The following SHANK1 variants were observed in gnomAD, a reference collection of about 807,000 sequenced individuals.
SHANK1 encodes SH3 and multiple ankyrin repeat domains 1, also known as SH3 and multiple ankyrin repeat domains protein 1.
SHANK1 carries 35 observed loss-of-function variants against 165.6 expected under a neutral mutation model. The ratio of observed to expected loss-of-function variants is 0.21; its 90% CI spans 0.16 to 0.28. SHANK1 has a LOEUF of 0.28. Ranked by LOEUF, SHANK1 falls within the 10% of genes least tolerant of loss-of-function variation. The pLI, the probability that SHANK1 is intolerant of heterozygous loss-of-function variation, is 1.00. For missense variants in SHANK1, 2,681 were observed against 3,036.4 expected, an observed-to-expected ratio of 0.88 and a Z score of 2.75; for synonymous variants, 1,428 against 1,384.8, an observed-to-expected ratio of 1.03 and a Z score of -0.69.
Position 50,718,243 on chromosome 19 carries a change from G to A in SHANK1, c.-44+1163C>T, listed in dbSNP as rs946750138. 2.0e-5 allele frequency among the ~76,000 whole-genome samples: 3 copies of A among 150,758 alleles called. No homozygotes were observed. Among genetic ancestry groups the A allele is most frequent in the African/African-American group, 7.3e-5 (3 of 40,948 alleles). On this transcript the variant is annotated intron_variant, in intron 1 of 23. Coordinates refer to ENST00000293441, the MANE Select transcript of SHANK1 (RefSeq NM_016148.5). This position sits in a 1 kb window ranked among gnomAD's most constrained non-coding sequence, Gnocchi z 5.1. ...GGACCCCTCCCCCACGCGCGGCAGC[G>A]CTGCGAAGCCCCCTCCCCCTCCAGG...
At chr19:50,675,488 GTCTGTT>G (rs1226039852) in intron 21 of SHANK1, among the ~76,000 whole-genome samples, 3 of 152,154 alleles carry the variant, frequency 2.0e-5, no homozygotes, top group Non-Finnish European at 2.9e-5. Flanking sequence ...AATTGGGACT[GTCTGTT>G]TCTATGTTTG....
chr19:50,714,125 C>T, intron 5 of SHANK1, 57 bp downstream of exon 5: 1 of 1,558,916 alleles, frequency 6.4e-7, no homozygotes, highest in Middle Eastern at 1.7e-4. Flanking sequence ...AGATGGCACC[C>T]CTGCTCCCCA....
At position 50,718,655 on chromosome 19, in the gene SHANK1, T is replaced by A. The variant is rs1038609732; in HGVS notation, c.-44+751A>T. Among the ~76,000 whole-genome samples, 4 of 129,936 alleles carry A rather than the reference T, an allele frequency of 3.1e-5. No individual in the cohort carries two copies. Among genetic ancestry groups the A allele is most frequent in the Non-Finnish European group, 6.7e-5 (4 of 59,716 alleles). The allele number at this position is 129,936 out of a possible 152,430, so 85.2% of individuals were successfully genotyped here. ...GTGGTGGAGGACGCGAGAGAGGGGGTGCCCTGGGAGGCTGTGGGGGGACAG... is the reference window on the plus strand; with the variant it reads ...GTGGTGGAGGACGCGAGAGAGGGGGAGCCCTGGGAGGCTGTGGGGGGACAG... On this transcript the variant is annotated intron_variant, in intron 1 of 23. Transcript: ENST00000293441. The surrounding 1 kb of genome is among the most constrained non-coding windows in gnomAD (Gnocchi z 5.1).
chr19:50,715,218 T>C (rs2123205653), intron 4 of SHANK1, among the ~76,000 whole-genome samples: 2 of 150,766 alleles, frequency 1.3e-5, no homozygotes, highest in South Asian at 4.2e-4. Context: ...GGTGTAATGG[T>C]TGGATTTTGC....
At chr19:50,707,780 G>A (rs1316803145) in intron 8 of SHANK1, among the ~76,000 whole-genome samples, 4 of 151,984 alleles carry the variant, frequency 2.6e-5, no homozygotes, top group African/African-American at 9.7e-5. Context: ...GTGTGTTCTG[G>A]GTGTGTTTGG....
intron 21 of SHANK1, among the ~76,000 whole-genome samples, chr19:50,673,334 C>T (rs1985866280): frequency 6.6e-6 from 1 of 152,114 alleles, no homozygotes; most frequent in African/African-American, 2.4e-5. Flanking sequence ...AGGCGGGACC[C>T]AGCCCTGCCC....
At chr19:50,711,522 A>T (rs752271375) in intron 7 of SHANK1, 35 bp from the exon 8 acceptor site, 1 of 1,478,340 alleles carries the variant, frequency 6.8e-7, no homozygotes, top group Non-Finnish European at 9.2e-7. Context: ...CATGGATCAG[A>T]CCCAGGCTGT....
In SHANK1 at chr19:50,668,360, G is replaced by A; in HGVS notation, c.3600C>T (p.Pro1200=). 7.9e-7 allele frequency: 1 copy of A among 1,262,426 alleles called. No homozygotes were observed. The highest frequency in any genetic ancestry group is 3.3e-5 in the South Asian group (1 of 30,184). 78.2% of individuals were successfully genotyped at this position (1,262,426 alleles called of 1,614,324 possible). Residue 1200 remains proline, a synonymous_variant, in exon 23 of 24, where the codon CCC becomes CCT. Transcript: ENST00000293441. ...GGGGGGSSPS[P]APAMSPVPPS... ...GGGGCACGGGTGACATGGCCGGGGC[G>A]GGGCTGGGCGAGGAGCCGCCGCCGC...
intron 8 of SHANK1, among the ~76,000 whole-genome samples, chr19:50,710,268 A>G (rs1187066078): frequency 6.6e-6 from 1 of 152,206 alleles, no homozygotes; most frequent in African/African-American, 2.4e-5. Flanking sequence ...GGCTCCAGGC[A>G]TACTGCTGGC....
rs1599841774 is a variant in SHANK1 at position 50,668,855 on chromosome 19, A to T, written c.3105T>A (p.Pro1035=). The T allele has an allele frequency of 2.4e-6, 3 of 1,248,240 alleles. No individual in the cohort carries two copies. In the South Asian group the frequency reaches 9.1e-5, roughly 38 times the overall value. The allele number at this position is 1,248,240 out of a possible 1,614,324, so 77.3% of individuals were successfully genotyped here. A position where few individuals can be genotyped will look rare whatever the true frequency, so the allele number is the denominator to read the frequency against. The part of the protein sequence containing the change: ...EMETGGSPDD[P]PPRLALGPQP... ...GGGGCCCCAGAGCCAGGCGGGGTGG[A>T]GGGTCGTCGGGAGAGCCGCCTGTCT... The change falls in exon 23 of 24, where the codon CCT becomes CCA. Residue 1035 remains proline (P), a synonymous_variant. Coordinates refer to ENST00000293441, the MANE Select transcript of SHANK1 (RefSeq NM_016148.5).
intron 3 of SHANK1, 97 bp from the exon 4 acceptor site, chr19:50,715,827 A>G: frequency 1.7e-6 from 2 of 1,195,984 alleles, no homozygotes; most frequent in Non-Finnish European, 1.2e-6. Context: ...ATCCCCTTCT[A>G]ATTCCCCGGG....
chr19:50,686,195 C>A lies in SHANK1; in HGVS notation c.2577+42G>T, dbSNP rs777591382. ...AAAGGCTCCAGGTTGGTGTGTGAAC[C>A]GCCTCCCCCCTGGCAGTTCCTCCCC... On this transcript the variant is annotated intron_variant, in intron 21 of 23. Transcript: ENST00000293441. The surrounding 1 kb of genome is among the most constrained non-coding windows in gnomAD (Gnocchi z 5.7). The A allele has an allele frequency of 1.1e-5, 13 of 1,213,320 alleles. No homozygotes were observed. Among genetic ancestry groups the A allele is most frequent in the Admixed American group, 2.1e-5 (1 of 48,156 alleles). The allele number at this position is 1,213,320 out of a possible 1,614,324, so 75.2% of individuals were successfully genotyped here.
rs559281559 is a variant in SHANK1 at position 50,697,331 on chromosome 19, C to G, written c.1938-209G>C. 2.0e-5 allele frequency among the ~76,000 whole-genome samples: 3 copies of G among 152,266 alleles called. No homozygotes were observed. Among genetic ancestry groups the G allele is most frequent in the Admixed American group, 6.5e-5 (1 of 15,296 alleles). ...CCAGACATAAGAGCGCCCCGGCCCC[C>G]CCAGGCATCCCCACCCTGCCCTGAC... On this transcript the variant is annotated intron_variant, in intron 14 of 23. Coordinates refer to ENST00000293441, the MANE Select transcript of SHANK1 (RefSeq NM_016148.5). This position sits in a 1 kb window ranked among gnomAD's most constrained non-coding sequence, Gnocchi z 4.7.
At chr19:50,685,059 G>C (rs1208522768) in intron 21 of SHANK1, among the ~76,000 whole-genome samples, 1 of 152,238 alleles carries the variant, frequency 6.6e-6, no homozygotes, top group East Asian at 1.9e-4. Context: ...ATGGACCCCT[G>C]ACCACTACGT....
At chr19:50,685,216 C>T (rs1986295326) in intron 21 of SHANK1, among the ~76,000 whole-genome samples, 1 of 152,112 alleles carries the variant, frequency 6.6e-6, no homozygotes, top group Non-Finnish European at 1.5e-5. Context: ...GGAGGGAAGG[C>T]ACACAGCCCA....
At position 50,662,964 on chromosome 19, in the gene SHANK1, C is replaced by T; in HGVS notation, c.5769-282G>A. On this transcript the variant is annotated intron_variant, in intron 23 of 23. Coordinates refer to ENST00000293441, the MANE Select transcript of SHANK1 (RefSeq NM_016148.5). This position sits in a 1 kb window ranked among gnomAD's most constrained non-coding sequence, Gnocchi z 7.7. The stretch of plus-strand genomic sequence containing the variant: ...ATTAAGTGATAATAATAATAATCGT[C>T]ACCGCTTACTGATGCTCACGTGTGC... The T allele has an allele frequency of 2.1e-6, 1 of 486,962 alleles. No individual in the cohort carries two copies. Among genetic ancestry groups the T allele is most frequent in the Non-Finnish European group, 3.7e-6 (1 of 269,312 alleles). The allele number at this position is 486,962 out of a possible 1,614,324, so 30.2% of individuals were successfully genotyped here.
rs893407847 is a variant in SHANK1 at position 50,661,458 on chromosome 19, G to A, written c.*507C>T. Among the ~76,000 whole-genome samples, 7 of 151,662 alleles carry A rather than the reference G, an allele frequency of 4.6e-5. No homozygotes were observed. The highest frequency in any genetic ancestry group is 1.9e-4 in the East Asian group (1 of 5,144). On this transcript the variant is annotated 3_prime_UTR_variant, in exon 24 of 24. Transcript: ENST00000293441. The stretch of plus-strand genomic sequence containing the variant: ...GGAGAGAGGTGAGCAGGCGTGCAAC[G>A]GAGCGTGCAAGAGGCTGAGGGGGGC...
At chr19:50,707,088 T>C (rs1188179523) in intron 8 of SHANK1, among the ~76,000 whole-genome samples, 3 of 152,228 alleles carry the variant, frequency 2.0e-5, no homozygotes, top group Admixed American at 6.5e-5. Context: ...CTTTGCTTTA[T>C]TTTTTAGTAC....
In SHANK1 at chr19:50,688,987, C is replaced by T. The variant is rs1986452547; in HGVS notation, c.2048-19G>A. ...GTCTGCGCTGCAGACAGGGAGGAGC[C>T]GGCGGGGTCGGAGGGGAGGGGGTGG... On this transcript the variant is annotated intron_variant, in intron 16 of 23. Transcript: ENST00000293441. The surrounding 1 kb of genome is among the most constrained non-coding windows in gnomAD (Gnocchi z 6.7). 1 of 1,447,210 alleles carries T rather than the reference C, an allele frequency of 6.9e-7. No individual in the cohort carries two copies. The highest frequency in any genetic ancestry group is 9.4e-7 in the Non-Finnish European group (1 of 1,064,088). The allele number at this position is 1,447,210 out of a possible 1,614,324, so 89.6% of individuals were successfully genotyped here.
Sources: allele counts gnomAD v4.1 joint callset (sites outside exome capture counted in the v4.1 genomes callset), GRCh38; gene constraint gnomAD v4.1.1; non-coding constraint Gnocchi (gnomAD v3.1); transcripts MANE v1.5; gene names NCBI Gene and HGNC (gene_info 2026-07-23, HGNC 2026-07-21).